Variants in TNNI3K observed in about 807,000 individuals in gnomAD.
The protein encoded by TNNI3K is TNNI3 interacting kinase.
A neutral mutation model predicts 114.5 loss-of-function variants in TNNI3K; 140 were observed. The ratio of observed to expected loss-of-function variants is 1.22; its 90% CI spans 1.07 to 1.41. The LOEUF is 1.41. Ranked by LOEUF, TNNI3K falls within the 40% of genes most tolerant of loss-of-function variation. The pLI, the probability that TNNI3K is intolerant of heterozygous loss-of-function variation, is 0.00. For synonymous variants in TNNI3K, 347 were observed against 347.5 expected (o/e 1.00, Z 0.02); for missense variants, 1,125 against 1,007.6 (o/e 1.12, Z -1.58).
chr1:74,445,468 G>T (rs1557570357), intron 20 of TNNI3K, among the ~76,000 whole-genome samples: 1 of 139,934 alleles, frequency 7.1e-6, no homozygotes, highest in Non-Finnish European at 1.5e-5. Context: ...AGAATATGCG[G>T]TGTTTGGTTT....
intron 5 of TNNI3K, among the ~76,000 whole-genome samples, chr1:74,321,366 C>G (rs542290898): frequency 6.6e-6 from 1 of 152,068 alleles, no homozygotes; most frequent in Non-Finnish European, 1.5e-5. Flanking sequence ...TCTTTTCTTT[C>G]GCTTTCTGGC....
At chr1:74,542,707 T>A (rs1283788026) in intron 24 of TNNI3K, among the ~76,000 whole-genome samples, 1 of 152,214 alleles carries the variant, frequency 6.6e-6, no homozygotes, top group Non-Finnish European at 1.5e-5. Context: ...TGTAGATGAC[T>A]GGGTTGGTTA....
intron 5 of TNNI3K, 125 bp downstream of exon 5, chr1:74,271,833 C>T (rs1656372079): frequency 4.3e-6 from 3 of 696,570 alleles, no homozygotes; most frequent in Non-Finnish European, 6.8e-6. Context: ...CTACTGAACA[C>T]ATTGGGGTAA....
At chr1:74,403,233 T>A (rs984038878) in intron 17 of TNNI3K, among the ~76,000 whole-genome samples, 2 of 152,142 alleles carry the variant, frequency 1.3e-5, no homozygotes, top group African/African-American at 4.8e-5. Context: ...AATTCTTCAC[T>A]GTATTTAGCT....
chr1:74,437,245 T>C (rs1666176066), intron 19 of TNNI3K, among the ~76,000 whole-genome samples: 1 of 152,098 alleles, frequency 6.6e-6, no homozygotes, highest in African/African-American at 2.4e-5. Context: ...TCCTGCTGCT[T>C]CAGTTCAGAT....
chr1:74,523,755 A>C (rs1646466017), intron 23 of TNNI3K, among the ~76,000 whole-genome samples: 2 of 152,296 alleles, frequency 1.3e-5, no homozygotes, highest in African/African-American at 2.4e-5. Flanking sequence ...TTGGGGAAAC[A>C]GTGCCCTGTG....
At chr1:74,407,995 A>C (rs1177963171) in intron 17 of TNNI3K, among the ~76,000 whole-genome samples, 1 of 152,110 alleles carries the variant, frequency 6.6e-6, no homozygotes. Context: ...TTGACCTACT[A>C]TTGTGGTCAC....
chr1:74,250,680 T>G lies in TNNI3K; in HGVS notation c.244T>G (p.Ser82Ala). Residue 82 changes from serine (S) to alanine (A), a missense_variant, in exon 4 of 25, where the codon TCA (serine) becomes GCA (alanine). Coordinates refer to ENST00000326637, the MANE Select transcript of TNNI3K (RefSeq NM_015978.3). ...TCATTTTTCTCTTTAAGGCAAGAAA[T>G]CACATATTCGAACTCTTATGTTGAA... The part of the protein sequence containing the change: ...HLCCICGGKK[S>A]HIRTLMLKGL... 6.2e-7 allele frequency: 1 copy of G among 1,609,784 alleles called. No individual in the cohort carries two copies. Among genetic ancestry groups the G allele is most frequent in the East Asian group, 2.2e-5 (1 of 44,788 alleles).
intron 23 of TNNI3K, among the ~76,000 whole-genome samples, chr1:74,533,632 A>G (rs1646621062): frequency 6.6e-6 from 1 of 152,092 alleles, no homozygotes; most frequent in South Asian, 2.1e-4. Context: ...TTGTGGCACT[A>G]TTCACAATAG....
intron 17 of TNNI3K, among the ~76,000 whole-genome samples, chr1:74,391,078 T>C (rs1322307150): frequency 1.3e-5 from 2 of 152,142 alleles, no homozygotes; most frequent in African/African-American, 2.4e-5. Context: ...TGGGCCATTT[T>C]TGAGCTGAAA....
Position 74,260,824 on chromosome 1 carries a change from G to A in TNNI3K, c.333+10055G>A, listed in dbSNP as rs77109844. On this transcript the variant is annotated intron_variant, in intron 4 of 24. Coordinates refer to ENST00000326637, the MANE Select transcript of TNNI3K (RefSeq NM_015978.3). Reference sequence around the variant, plus strand: ...ATGGACTACAAACATCTTTTATCACGTCCTCTATAAAATTAGCACTCCCAA... The same window carrying A: ...ATGGACTACAAACATCTTTTATCACATCCTCTATAAAATTAGCACTCCCAA... Among the ~76,000 whole-genome samples the A allele has an allele frequency of 5.6e-3, 858 of 151,926 alleles. 9 individuals are homozygous for A. The highest frequency in any genetic ancestry group is 0.02 in the African/African-American group (813 of 41,450).
intron 17 of TNNI3K, among the ~76,000 whole-genome samples, chr1:74,428,881 G>A (rs958867693): frequency 6.6e-6 from 1 of 152,110 alleles, no homozygotes; most frequent in Non-Finnish European, 1.5e-5. Context: ...GTTACAGTGA[G>A]CTATGATCAC....
intron 5 of TNNI3K, among the ~76,000 whole-genome samples, chr1:74,297,501 A>G (rs1348949948): frequency 7.3e-6 from 1 of 136,398 alleles, no homozygotes; most frequent in East Asian, 2.1e-4. Flanking sequence ...CATGCTTGGC[A>G]TCTTGTCCAG....
chr1:74,417,648 A>G (rs556397006), intron 17 of TNNI3K, among the ~76,000 whole-genome samples: 1 of 150,558 alleles, frequency 6.6e-6, no homozygotes, highest in East Asian at 2.0e-4. Context: ...ACATGCTATG[A>G]TGTCCAAGTA....
At chr1:74,265,649 A>G (rs184001801) in intron 4 of TNNI3K, among the ~76,000 whole-genome samples, 1 of 152,202 alleles carries the variant, frequency 6.6e-6, no homozygotes, top group Non-Finnish European at 1.5e-5. Flanking sequence ...TAGTGTACAT[A>G]ATAACAATTA....
intron 5 of TNNI3K, among the ~76,000 whole-genome samples, chr1:74,322,478 T>G (rs944390964): frequency 2.7e-5 from 4 of 148,348 alleles, no homozygotes; most frequent in South Asian, 2.1e-4. Context: ...TTTTTTTTTT[T>G]GTCATGGAGT....
Position 74,335,995 on chromosome 1 carries a change from T to A in TNNI3K, c.544-16T>A. 1 of 1,555,016 alleles carries A rather than the reference T, an allele frequency of 6.4e-7. No homozygotes were observed. On this transcript the variant is annotated splice_polypyrimidine_tract_variant and intron_variant, in intron 6 of 24. Coordinates refer to ENST00000326637, the MANE Select transcript of TNNI3K (RefSeq NM_015978.3). The stretch of plus-strand genomic sequence containing the variant: ...TTTGAATTTTTATACTGATTTCAAA[T>A]GAATAAATCCTTTAGGTAACTCGCC...
intron 5 of TNNI3K, among the ~76,000 whole-genome samples, chr1:74,286,022 A>G (rs540180781): frequency 6.6e-6 from 1 of 152,356 alleles, no homozygotes; most frequent in East Asian, 1.9e-4. Context: ...TACCTTCACA[A>G]GAGCTAAGAA....
At chr1:74,452,161 T>A (rs1667054838) in intron 20 of TNNI3K, among the ~76,000 whole-genome samples, 1 of 152,160 alleles carries the variant, frequency 6.6e-6, no homozygotes, top group Non-Finnish European at 1.5e-5. Flanking sequence ...ACTCTCAGTA[T>A]GTTGCATTTC....
Sources: gnomAD v4.1 joint callset for allele counts (sites outside exome capture counted in the v4.1 genomes callset) on GRCh38, gnomAD v4.1.1 for gene constraint, MANE v1.5 for transcripts, NCBI Gene and HGNC (gene_info 2026-07-23, HGNC 2026-07-21) for gene names.